The following PATJ variants were observed in gnomAD, a reference collection of about 807,000 sequenced individuals.
PATJ encodes the protein inaD-like protein.
PATJ carries 190 observed loss-of-function variants against 224.9 expected under a neutral mutation model. The observed-to-expected ratio is 0.84, with a 90% CI of 0.75 to 0.95. The LOEUF (loss-of-function observed/expected upper bound fraction) is 0.95, where lower values mean the gene tolerates loss of function less well. Ranked by LOEUF, PATJ falls within the 40% of genes least tolerant of loss-of-function variation. The pLI, the probability that PATJ is intolerant of heterozygous loss-of-function variation, is 0.00. For synonymous variants in PATJ, 769 were observed against 820.3 expected, an observed-to-expected ratio of 0.94 and a Z score of 1.07; for missense variants, 2,121 against 2,270.3, an observed-to-expected ratio of 0.93 and a Z score of 1.34.
chr1:62,157,353 A>AAAT (rs1669337271), intron 43 of PATJ, among the ~76,000 whole-genome samples: 1 of 149,184 alleles, frequency 6.7e-6, no homozygotes, highest in African/African-American at 2.4e-5. Flanking sequence ...CTCAACTAAG[A>AAAT]AATTATTTAA....
At chr1:61,953,798 C>A (rs181208003) in intron 27 of PATJ, among the ~76,000 whole-genome samples, 12 of 152,288 alleles carry the variant, frequency 7.9e-5, no homozygotes, top group African/African-American at 2.9e-4. Flanking sequence ...AAATCTATTT[C>A]TCCAGATTAT....
At chr1:61,924,596 A>G (rs1349742617) in intron 26 of PATJ, among the ~76,000 whole-genome samples, 2 of 152,190 alleles carry the variant, frequency 1.3e-5, no homozygotes, top group African/African-American at 4.8e-5. Flanking sequence ...AAGTAGTATA[A>G]CTTTAGTCAA....
At chr1:62,032,899 A>G (rs1489699591) in intron 29 of PATJ, among the ~76,000 whole-genome samples, 1 of 152,212 alleles carries the variant, frequency 6.6e-6, no homozygotes, top group Non-Finnish European at 1.5e-5. Flanking sequence ...TTCACAAGGC[A>G]GCAGGAAGGA....
intron 27 of PATJ, among the ~76,000 whole-genome samples, chr1:61,960,507 C>CA (rs1348809665): frequency 1.3e-5 from 2 of 151,438 alleles, no homozygotes; most frequent in Admixed American, 1.3e-4. Context: ...ACTAAAAATA[C>CA]AAAAAATTAG....
chr1:62,160,946 TC>T lies in PATJ; in HGVS notation c.5542del (p.Gln1848ArgfsTer3), dbSNP rs745786563. On this transcript the variant is annotated frameshift_variant, in exon 44 of 44. Transcript: ENST00000642238. LOFTEE classifies it high-confidence loss of function. ...ATGACGGCCGATTAAAACGAGGGGA[TC>T]AGATTTTAGCTGTTAATGGCGAGAC... ...ADDGRLKRGD[Q>X]ILAVNGETLE... 4 of 1,614,004 alleles carry T rather than the reference TC, an allele frequency of 2.5e-6. No individual in the cohort carries two copies. Among genetic ancestry groups the T allele is most frequent in the Non-Finnish European group, 2.5e-6 (3 of 1,180,000 alleles).
At chr1:62,119,310 G>A (rs1452286286) in intron 37 of PATJ, among the ~76,000 whole-genome samples, 2 of 152,122 alleles carry the variant, frequency 1.3e-5, no homozygotes. Context: ...ACCCTGGTGG[G>A]CAAAAACAAG....
In PATJ at chr1:61,827,587, C is replaced by T; in HGVS notation, c.1980+4C>T. ...AACCTCTCTTCCTGAGACAGAGGTA[C>T]TAAATGAATATAGTGCATTTCCCAT... is the stretch of plus-strand genomic sequence containing the variant. On this transcript the variant is annotated splice_donor_region_variant and intron_variant, in intron 16 of 43. Transcript: ENST00000642238. 1 of 1,612,944 alleles carries T rather than the reference C, an allele frequency of 6.2e-7. No homozygotes were observed. The highest frequency in any genetic ancestry group is 8.5e-7 in the Non-Finnish European group (1 of 1,179,294).
At chr1:61,811,314 C>T (rs576259963) in intron 14 of PATJ, among the ~76,000 whole-genome samples, 3 of 152,094 alleles carry the variant, frequency 2.0e-5, no homozygotes, top group African/African-American at 7.2e-5. Context: ...CTGTAACCTC[C>T]GCCTCCTGGG....
chr1:62,049,769 A>C (rs1379559930), intron 30 of PATJ, among the ~76,000 whole-genome samples: 1 of 152,162 alleles, frequency 6.6e-6, no homozygotes, highest in Non-Finnish European at 1.5e-5. Flanking sequence ...AAAGTCACGA[A>C]AGAAAACAAG....
At chr1:62,072,397 T>G (rs1225959117) in intron 31 of PATJ, 1 of 151,872 alleles carries the variant, frequency 6.6e-6, no homozygotes, top group Non-Finnish European at 1.5e-5. Context: ...GGGATATTAG[T>G]GTAACGAAAA....
At chr1:61,842,766 A>AAAAAAAAGGAAAAG (rs1553176945) in intron 17 of PATJ, among the ~76,000 whole-genome samples, 61 of 148,436 alleles carry the variant, frequency 4.1e-4, no homozygotes, top group Admixed American at 6.1e-4. Flanking sequence ...CAGCTATTAA[A>AAAAAAAAGGAAAAG]AAAAAAAAGG....
intron 30 of PATJ, among the ~76,000 whole-genome samples, chr1:62,047,221 C>T (rs185155346): frequency 3.9e-5 from 6 of 152,288 alleles, no homozygotes; most frequent in African/African-American, 7.2e-5. Flanking sequence ...CCTGTGGGTT[C>T]GTTCTACAGT....
chr1:61,914,702 G>GTTTTGT (rs766412662), intron 26 of PATJ, 38 bp downstream of exon 26: 3 of 1,369,974 alleles, frequency 2.2e-6, no homozygotes, highest in East Asian at 4.7e-5. Context: ...AAATGTTTTT[G>GTTTTGT]TTTTGTTTTT....
At chr1:61,772,882 A>G (rs1460059445) in intron 6 of PATJ, among the ~76,000 whole-genome samples, 2 of 152,200 alleles carry the variant, frequency 1.3e-5, no homozygotes, top group African/African-American at 2.4e-5. Flanking sequence ...CACGTGAAGA[A>G]CTAAGCACTG....
chr1:62,006,858 TGAA>T (rs766459148), intron 28 of PATJ, among the ~76,000 whole-genome samples: 2 of 152,218 alleles, frequency 1.3e-5, no homozygotes, highest in Non-Finnish European at 2.9e-5. Flanking sequence ...TTTTGTTGTA[TGAA>T]GGTCATAAAG....
chr1:61,846,100 C>T (rs1661903367), intron 17 of PATJ: 2 of 152,050 alleles, frequency 1.3e-5, no homozygotes, highest in Admixed American at 6.5e-5. Context: ...TCATAATTCT[C>T]ATAGTAATAA....
At chr1:61,829,070 A>G (rs1658846381) in intron 16 of PATJ, among the ~76,000 whole-genome samples, 1 of 152,202 alleles carries the variant, frequency 6.6e-6, no homozygotes, top group Non-Finnish European at 1.5e-5. Context: ...AGTCTCTGCC[A>G]GTCCATCCGT....
chr1:62,125,250 A>AAC (rs1558203743), intron 39 of PATJ, among the ~76,000 whole-genome samples: 4 of 103,656 alleles, frequency 3.9e-5, no homozygotes, highest in Admixed American at 2.3e-4. Flanking sequence ...AAAAAAAAAA[A>AAC]AAACAAAAAA....
At chr1:61,822,808 T>A (rs1278529841) in intron 14 of PATJ, 137 bp from the exon 15 acceptor site, 1 of 971,126 alleles carries the variant, frequency 1.0e-6, no homozygotes, top group African/African-American at 1.6e-5. Flanking sequence ...CTAATTTTCC[T>A]ATTATTGTCC....
Sources: allele counts gnomAD v4.1 joint callset (sites outside exome capture counted in the v4.1 genomes callset), GRCh38; gene constraint gnomAD v4.1.1; transcripts MANE v1.5; gene names NCBI Gene and HGNC (gene_info 2026-07-23, HGNC 2026-07-21).